Variants in CHL1 observed in about 807,000 individuals in gnomAD.
CHL1 encodes the protein neural cell adhesion molecule L1-like protein.
Under a neutral mutation model 141.9 loss-of-function variants are expected in CHL1, and 96 were observed. That is an observed-to-expected ratio of 0.68 (90% confidence interval 0.57 to 0.80). The LOEUF (loss-of-function observed/expected upper bound fraction) is 0.80. Ranked by LOEUF, CHL1 falls within the 30% of genes least tolerant of loss-of-function variation. The probability of loss-of-function intolerance (pLI) is 0.00; values close to 1 mark genes in which losing one functional copy is unlikely to be tolerated. For missense variants in CHL1, 1,820 were observed against 1,457.2 expected, an observed-to-expected ratio of 1.25 and a Z score of -4.05; for synonymous variants, 613 against 502.2, an observed-to-expected ratio of 1.22 and a Z score of -2.95.
At chr3:279,359 A>AG (rs1207433054) in intron 2 of CHL1, among the ~76,000 whole-genome samples, 3 of 151,850 alleles carry the variant, frequency 2.0e-5, no homozygotes, top group African/African-American at 7.3e-5. Flanking sequence ...ATTTTAATCG[A>AG]GGGGGGAGCT....
At chr3:291,700 T>C (rs1697711813) in intron 2 of CHL1, among the ~76,000 whole-genome samples, 1 of 152,172 alleles carries the variant, frequency 6.6e-6, no homozygotes, top group Non-Finnish European at 1.5e-5. Context: ...TTTTTCTCAT[T>C]TTTTTAAAAT....
intron 5 of CHL1, among the ~76,000 whole-genome samples, chr3:334,771 G>C (rs986900366): frequency 6.6e-6 from 1 of 152,098 alleles, no homozygotes. Flanking sequence ...GTTGTGTACT[G>C]TTAGGGACAG....
At chr3:206,873 G>T (rs145247820) in intron 1 of CHL1, among the ~76,000 whole-genome samples, 69 of 152,306 alleles carry the variant, frequency 4.5e-4, no homozygotes, top group African/African-American at 1.6e-3. Flanking sequence ...CCTCACTTCT[G>T]GGTATTATAT....
In CHL1 at chr3:355,783, G is replaced by A. The variant is rs188553420; in HGVS notation, c.1165+1012G>A. The stretch of plus-strand genomic sequence containing the variant: ...GTTGTGCTTGAATGAAAAAAAATGT[G>A]GCCAGCTGCCTAGGGCAGTGATTCA... On this transcript the variant is annotated intron_variant, in intron 11 of 27. Transcript: ENST00000256509. Among the ~76,000 whole-genome samples, 287 of 152,234 alleles carry A rather than the reference G, an allele frequency of 1.9e-3. 2 individuals carry two copies. The highest frequency in any genetic ancestry group is 6.6e-3 in the African/African-American group (274 of 41,524).
At chr3:371,995 C>A (rs1468383901) in intron 15 of CHL1, among the ~76,000 whole-genome samples, 6 of 152,142 alleles carry the variant, frequency 3.9e-5, no homozygotes, top group Admixed American at 1.3e-4. Context: ...TGATGGGTTT[C>A]CCTTTGTAGG....
chr3:322,185 A>C (rs1332474936), intron 3 of CHL1, among the ~76,000 whole-genome samples: 1 of 152,068 alleles, frequency 6.6e-6, no homozygotes, highest in Non-Finnish European at 1.5e-5. Flanking sequence ...TGTGAATGAA[A>C]ATACAGACAT....
intron 2 of CHL1, among the ~76,000 whole-genome samples, chr3:285,526 C>T (rs962805000): frequency 6.6e-6 from 1 of 152,176 alleles, no homozygotes; most frequent in Non-Finnish European, 1.5e-5. Flanking sequence ...TAGCCTGGTA[C>T]TTAAAATTCA....
At chr3:361,144 G>T (rs1437570441) in intron 12 of CHL1, among the ~76,000 whole-genome samples, 1 of 151,758 alleles carries the variant, frequency 6.6e-6, no homozygotes, top group African/African-American at 2.4e-5. Flanking sequence ...TTAATAAATG[G>T]TGCTGGGAAA....
intron 27 of CHL1, among the ~76,000 whole-genome samples, chr3:402,338 G>T (rs974798294): frequency 6.6e-6 from 1 of 152,194 alleles, no homozygotes; most frequent in African/African-American, 2.4e-5. Flanking sequence ...GGGAGGAATG[G>T]CAAGAAGTCT....
At chr3:382,436 C>T (rs1426213804) in intron 17 of CHL1, 38 bp from the exon 18 acceptor site, 1 of 1,552,354 alleles carries the variant, frequency 6.4e-7, no homozygotes, top group South Asian at 1.1e-5. Context: ...ATCCATACTC[C>T]ATACATTCTA....
intron 2 of CHL1, among the ~76,000 whole-genome samples, chr3:266,561 G>A (rs1385123489): frequency 1.3e-5 from 2 of 152,128 alleles, no homozygotes; most frequent in Non-Finnish European, 2.9e-5. Context: ...AAAACGTGAA[G>A]CTCCAGTTTT....
At chr3:206,185 C>T (rs1349596397) in intron 1 of CHL1, among the ~76,000 whole-genome samples, 1 of 152,132 alleles carries the variant, frequency 6.6e-6, no homozygotes, top group Non-Finnish European at 1.5e-5. Flanking sequence ...GTTTTAAAAC[C>T]TGCCAGAGGT....
At chr3:253,672 A>C (rs946777652) in intron 2 of CHL1, among the ~76,000 whole-genome samples, 14 of 152,094 alleles carry the variant, frequency 9.2e-5, no homozygotes, top group African/African-American at 3.1e-4. Flanking sequence ...TTATTTATTT[A>C]TATGTTTATT....
chr3:201,848 T>G (rs1184974192), intron 1 of CHL1, among the ~76,000 whole-genome samples: 1 of 152,230 alleles, frequency 6.6e-6, no homozygotes, highest in African/African-American at 2.4e-5. Flanking sequence ...CATCTTCTGA[T>G]TCACCTCTTC....
chr3:367,640 G>A lies in CHL1; in HGVS notation c.1751+1525G>A, dbSNP rs141372446. ...CTAATTTCTTCATTTTTTTCCTTATGACAAATTTCTTTTTTTAATTTTTGT... is the reference window on the plus strand; with the variant it reads ...CTAATTTCTTCATTTTTTTCCTTATAACAAATTTCTTTTTTTAATTTTTGT... On this transcript the variant is annotated intron_variant, in intron 15 of 27. Coordinates refer to ENST00000256509, the MANE Select transcript of CHL1 (RefSeq NM_006614.4). 1.8e-4 allele frequency among the ~76,000 whole-genome samples: 28 copies of A among 152,032 alleles called. No individual in the cohort carries two copies. The East Asian group carries it at 5.4e-3, about 29-fold the overall frequency.
intron 1 of CHL1, among the ~76,000 whole-genome samples, chr3:239,364 CACA>C (rs1382310401): frequency 6.6e-6 from 1 of 152,158 alleles, no homozygotes; most frequent in Non-Finnish European, 1.5e-5. Flanking sequence ...CTTACGATCG[CACA>C]ACAAGTAAGT....
intron 2 of CHL1, among the ~76,000 whole-genome samples, chr3:279,706 G>A (rs1192674091): frequency 6.6e-6 from 1 of 152,194 alleles, no homozygotes; most frequent in East Asian, 1.9e-4. Context: ...GATTGAAGGA[G>A]CAGAGCAAAA....
intron 2 of CHL1, among the ~76,000 whole-genome samples, chr3:250,868 C>G (rs1321164891): frequency 3.3e-5 from 5 of 151,914 alleles, no homozygotes; most frequent in Admixed American, 6.6e-5. Flanking sequence ...TATAGGGTGC[C>G]CTATTAGTTT....
chr3:397,703 G>A (rs1397915451), intron 24 of CHL1, among the ~76,000 whole-genome samples: 3 of 151,756 alleles, frequency 2.0e-5, no homozygotes, highest in Non-Finnish European at 4.4e-5. Context: ...CATTCCATTG[G>A]TATGTACCTG....
Sources: gnomAD v4.1 joint callset for allele counts (sites outside exome capture counted in the v4.1 genomes callset) on GRCh38, gnomAD v4.1.1 for gene constraint, MANE v1.5 for transcripts, NCBI Gene and HGNC (gene_info 2026-07-23, HGNC 2026-07-21) for gene names.